CDK14: variants seen among roughly 807,000 people sequenced by gnomAD.
CDK14 encodes the protein cyclin-dependent kinase 14.
CDK14 carries 34 observed loss-of-function variants against 60.7 expected under a neutral mutation model. That is an observed-to-expected ratio of 0.56 (90% CI 0.43 to 0.75). The LOEUF is 0.75. Among genes scored for constraint, CDK14 ranks in the 30% least tolerant of loss-of-function variants. The pLI is 0.00. For synonymous variants in CDK14, 197 were observed against 203.7 expected (o/e 0.97, Z 0.28); for missense variants, 482 against 564.1 (o/e 0.85, Z 1.47).
chr7:90,842,174 A>G (rs1353517271), intron 5 of CDK14, among the ~76,000 whole-genome samples: 1 of 152,168 alleles, frequency 6.6e-6, no homozygotes, highest in Non-Finnish European at 1.5e-5. Flanking sequence ...GTACTAGGCA[A>G]ATTTAATACC....
intron 2 of CDK14, chr7:90,608,460 C>G: frequency 1.8e-6 from 1 of 543,488 alleles, no homozygotes; most frequent in South Asian, 8.0e-5. Flanking sequence ...TACAGCAATT[C>G]ATGAATTGTT....
chr7:90,644,649 G>A (rs557519172), intron 2 of CDK14, among the ~76,000 whole-genome samples: 7 of 152,252 alleles, frequency 4.6e-5, no homozygotes, highest in African/African-American at 1.4e-4. Flanking sequence ...AATCCTACAC[G>A]GAAGAAACCT....
chr7:91,056,954 T>G (rs1360355164), intron 11 of CDK14, among the ~76,000 whole-genome samples: 1 of 152,050 alleles, frequency 6.6e-6, no homozygotes, highest in Non-Finnish European at 1.5e-5. Flanking sequence ...AAATGGTATT[T>G]CTAGTTCCAG....
At chr7:90,946,552 C>T (rs984825511) in intron 8 of CDK14, among the ~76,000 whole-genome samples, 4 of 152,002 alleles carry the variant, frequency 2.6e-5, no homozygotes, top group Admixed American at 2.6e-4. Flanking sequence ...CTTGAATTTG[C>T]TCAATAATCG....
chr7:90,722,751 G>A (rs960103811), intron 2 of CDK14, among the ~76,000 whole-genome samples: 5 of 152,094 alleles, frequency 3.3e-5, no homozygotes, highest in African/African-American at 1.2e-4. Flanking sequence ...GCCATAGTCA[G>A]ATCCATTAAA....
chr7:90,598,515 T>C (rs1041464529), intron 1 of CDK14, among the ~76,000 whole-genome samples: 3 of 152,154 alleles, frequency 2.0e-5, no homozygotes, highest in Admixed American at 1.3e-4. Flanking sequence ...ATGGAAAATA[T>C]GATTCTGAAT....
chr7:90,807,197 C>T (rs537103473), intron 5 of CDK14, among the ~76,000 whole-genome samples: 4 of 152,314 alleles, frequency 2.6e-5, no homozygotes, highest in East Asian at 1.9e-4. Flanking sequence ...CCCCGAGTAG[C>T]GTAAGTGGGA....
intron 2 of CDK14, among the ~76,000 whole-genome samples, chr7:90,665,303 A>T (rs976546541): frequency 8.6e-5 from 13 of 151,956 alleles, no homozygotes; most frequent in Non-Finnish European, 1.5e-4. Context: ...TAAATAAATA[A>T]ATAATAAAAA....
chr7:90,717,108 T>C (rs975650298), intron 2 of CDK14, among the ~76,000 whole-genome samples: 7 of 152,068 alleles, frequency 4.6e-5, no homozygotes, highest in Non-Finnish European at 5.9e-5. Context: ...CTACCCTTGC[T>C]ATGAGTGCTC....
chr7:91,085,890 G>A (rs957741820), intron 12 of CDK14, among the ~76,000 whole-genome samples: 1 of 152,190 alleles, frequency 6.6e-6, no homozygotes, highest in African/African-American at 2.4e-5. Context: ...AGTTTGGCCC[G>A]ACATTTCTAG....
At chr7:90,933,369 A>G (rs2117479837) in intron 8 of CDK14, among the ~76,000 whole-genome samples, 1 of 152,302 alleles carries the variant, frequency 6.6e-6, no homozygotes, top group South Asian at 2.1e-4. Context: ...GATAATGATG[A>G]TGATTAATGA....
intron 2 of CDK14, among the ~76,000 whole-genome samples, chr7:90,688,366 T>G (rs973058961): frequency 6.6e-6 from 1 of 152,208 alleles, no homozygotes; most frequent in East Asian, 1.9e-4. Context: ...GCCCGTCATC[T>G]TACGATCATA....
intron 6 of CDK14, among the ~76,000 whole-genome samples, chr7:90,875,384 G>T (rs1264625590): frequency 4.6e-5 from 7 of 152,130 alleles, no homozygotes; most frequent in African/African-American, 2.4e-5. Context: ...GAGTGGTATT[G>T]CTGATCATCT....
At chr7:90,891,806 A>G (rs946579416) in intron 6 of CDK14, among the ~76,000 whole-genome samples, 8 of 152,244 alleles carry the variant, frequency 5.3e-5, no homozygotes, top group African/African-American at 1.9e-4. Flanking sequence ...ACATTGTAGG[A>G]GAATGGAAAC....
intron 14 of CDK14, among the ~76,000 whole-genome samples, chr7:91,179,802 CA>C (rs554031785): frequency 5.2e-4 from 73 of 140,370 alleles, no homozygotes; most frequent in Non-Finnish European, 5.1e-4. Flanking sequence ...GACTCCGTCT[CA>C]AAAAAAAAAA....
chr7:90,811,662 T>C lies in CDK14; in HGVS notation c.544+21010T>C, dbSNP rs563471203. On this transcript the variant is annotated intron_variant, in intron 5 of 14. Coordinates refer to ENST00000380050, the MANE Select transcript of CDK14 (RefSeq NM_001287135.2). The stretch of plus-strand genomic sequence containing the variant: ...AGCTTCTGCACAGCAAAAGAAACTA[T>C]CATCAGAGTGAACAGGCAACCTACA... 1.4e-3 allele frequency among the ~76,000 whole-genome samples: 209 copies of C among 149,544 alleles called. 1 individual carries two copies. In the South Asian group the frequency reaches 0.026, roughly 19 times the overall value.
chr7:91,023,467 T>C (rs982117162), intron 10 of CDK14, among the ~76,000 whole-genome samples: 1 of 152,358 alleles, frequency 6.6e-6, no homozygotes, highest in Non-Finnish European at 1.5e-5. Flanking sequence ...TAAGTTGATA[T>C]AATGATTCTA....
In CDK14 at chr7:90,647,984, A is replaced by G. The variant is rs143705696; in HGVS notation, c.123+43735A>G. 1.6e-4 allele frequency among the ~76,000 whole-genome samples: 25 copies of G among 152,334 alleles called. No individual in the cohort carries two copies. In the East Asian group the frequency reaches 4.0e-3, roughly 25 times the overall value. ...CTTTTGACTAAGAATGAGAGAATTT[A>G]TAATTGAAGAGGGTCCTTTGAGGGT... is the stretch of plus-strand genomic sequence containing the variant. On this transcript the variant is annotated intron_variant, in intron 2 of 14. Transcript: ENST00000380050.
chr7:90,631,793 C>T (rs1392735374), intron 2 of CDK14: 3 of 152,148 alleles, frequency 2.0e-5, no homozygotes, highest in South Asian at 2.1e-4. Context: ...GAATGTTGCT[C>T]ATTAATTGGA....
Sources: gnomAD v4.1 joint callset for allele counts (sites outside exome capture counted in the v4.1 genomes callset) on GRCh38, gnomAD v4.1.1 for gene constraint, MANE v1.5 for transcripts, NCBI Gene and HGNC (gene_info 2026-07-23, HGNC 2026-07-21) for gene names.